PLPP4: variants seen among roughly 807,000 people sequenced by gnomAD.
PLPP4 encodes the protein phospholipid phosphatase 4.
In PLPP4, 20 loss-of-function variants were observed where a neutral mutation model predicts 32.2. The ratio of observed to expected loss-of-function variants is 0.62; its 90% CI spans 0.44 to 0.90. The LOEUF (loss-of-function observed/expected upper bound fraction) is 0.90, where lower values mean the gene tolerates loss of function less well. Ranked by LOEUF, PLPP4 falls within the 40% of genes least tolerant of loss-of-function variation. The pLI is 0.00. For missense variants in PLPP4, 257 were observed against 353.1 expected (o/e 0.73, Z 2.18); for synonymous variants, 127 against 133.0 (o/e 0.95, Z 0.31).
At chr10:120,549,347 G>A (rs961456095) in intron 5 of PLPP4, among the ~76,000 whole-genome samples, 8 of 150,530 alleles carry the variant, frequency 5.3e-5, no homozygotes, top group African/African-American at 1.7e-4. Flanking sequence ...AGATGAAGGC[G>A]AAATCTAATT....
chr10:120,551,450 T>A (rs1473427588), intron 5 of PLPP4, among the ~76,000 whole-genome samples: 4 of 152,202 alleles, frequency 2.6e-5, no homozygotes, highest in Non-Finnish European at 5.9e-5. Flanking sequence ...GTTTTATTCC[T>A]AATGATCCCA....
intron 2 of PLPP4, among the ~76,000 whole-genome samples, chr10:120,506,042 C>T (rs935561150): frequency 6.6e-6 from 1 of 152,200 alleles, no homozygotes; most frequent in Non-Finnish European, 1.5e-5. Flanking sequence ...CACAAATATT[C>T]TGGCTACAGA....
At chr10:120,556,330 A>G (rs1848164187) in intron 5 of PLPP4, among the ~76,000 whole-genome samples, 1 of 152,082 alleles carries the variant, frequency 6.6e-6, no homozygotes, top group Non-Finnish European at 1.5e-5. Flanking sequence ...GGTGGCTTAC[A>G]TTGTTCTTGA....
At chr10:120,456,988 G>C (rs1287191540), upstream of PLPP4, 2 of 156,602 alleles carry the variant, frequency 1.3e-5, no homozygotes, top group East Asian at 3.8e-4. This position sits in a 1 kb window ranked among gnomAD's most constrained non-coding sequence, Gnocchi z 4.1. Context: ...GGTGCCCGGC[G>C]CGGGCCCAGG....
chr10:120,581,251 GTC>G, intron 6 of PLPP4: 1 of 985,402 alleles, frequency 1.0e-6, no homozygotes, highest in Non-Finnish European at 1.2e-6. Flanking sequence ...AAGGGAACCT[GTC>G]TCTTCTCAGC....
intron 2 of PLPP4, among the ~76,000 whole-genome samples, chr10:120,509,485 T>C (rs1047622235): frequency 1.3e-5 from 2 of 152,206 alleles, no homozygotes; most frequent in African/African-American, 4.8e-5. Flanking sequence ...ATGTGGGCAC[T>C]GTGCAGTACA....
chr10:120,520,832 A>C, intron 4 of PLPP4, 139 bp from the exon 5 acceptor site: 9 of 1,012,072 alleles, frequency 8.9e-6, no homozygotes, highest in Non-Finnish European at 1.3e-5. Context: ...TGTCTAGAGT[A>C]TTCTGTGAGG....
chr10:120,518,583 G>A (rs1024089109), intron 3 of PLPP4, among the ~76,000 whole-genome samples: 5 of 152,196 alleles, frequency 3.3e-5, no homozygotes, highest in African/African-American at 9.7e-5. Flanking sequence ...GAAAATTTCA[G>A]TCAAGGAGGA....
chr10:120,457,404 G>A (rs988948649), intron 1 of PLPP4, 43 bp downstream of exon 1: 3 of 1,509,238 alleles, frequency 2.0e-6, no homozygotes, highest in Non-Finnish European at 2.7e-6. Flanking sequence ...TGACGCGGGG[G>A]AACAACCGAC....
intron 5 of PLPP4, among the ~76,000 whole-genome samples, chr10:120,531,472 T>C (rs1035433597): frequency 6.6e-6 from 1 of 152,186 alleles, no homozygotes; most frequent in African/African-American, 2.4e-5. Flanking sequence ...TCTAATTTAC[T>C]ACTTTCTTCT....
intron 5 of PLPP4, among the ~76,000 whole-genome samples, chr10:120,550,702 T>C (rs1484014667): frequency 6.6e-6 from 1 of 151,770 alleles, no homozygotes. Context: ...AATAAAAGTG[T>C]GGGAAAAAAG....
In PLPP4 at chr10:120,520,520, G is replaced by A. The variant is rs75924284; in HGVS notation, c.321-451G>A. The stretch of plus-strand genomic sequence containing the variant: ...GCATGCCAATATCCAACAATAGAGC[G>A]GTAGATCAAGACAGGAAGTAACTTC... On this transcript the variant is annotated intron_variant, in intron 4 of 6. Transcript: ENST00000398250. 5.7e-3 allele frequency among the ~76,000 whole-genome samples: 865 copies of A among 152,268 alleles called. 6 individuals are homozygous for A. The highest frequency in any genetic ancestry group is 0.023 in the South Asian group (113 of 4,820).
chr10:120,534,429 GT>G (rs750507343), intron 5 of PLPP4, among the ~76,000 whole-genome samples: 7 of 151,734 alleles, frequency 4.6e-5, no homozygotes, highest in Non-Finnish European at 8.8e-5. Context: ...GGATCTTTTT[GT>G]GTTTATCTAC....
chr10:120,467,364 A>C (rs1848377122), intron 1 of PLPP4, among the ~76,000 whole-genome samples: 1 of 64,266 alleles, frequency 1.6e-5, no homozygotes, highest in African/African-American at 3.3e-5. Context: ...TGCTGGGATT[A>C]CAGGCGTGAG....
intron 1 of PLPP4, among the ~76,000 whole-genome samples, chr10:120,466,215 A>G (rs1378783230): frequency 6.6e-6 from 1 of 152,120 alleles, no homozygotes; most frequent in Non-Finnish European, 1.5e-5. Flanking sequence ...GGCCTGGCAA[A>G]TGGGTCCCAT....
intron 5 of PLPP4, among the ~76,000 whole-genome samples, chr10:120,553,803 G>C (rs1180554744): frequency 2.0e-5 from 3 of 152,202 alleles, no homozygotes; most frequent in Non-Finnish European, 4.4e-5. Flanking sequence ...ATGAGGCTGA[G>C]TGCCATGTCC....
chr10:120,499,897 C>T (rs1845158743), intron 1 of PLPP4, among the ~76,000 whole-genome samples: 1 of 152,152 alleles, frequency 6.6e-6, no homozygotes, highest in African/African-American at 2.4e-5. Flanking sequence ...CAGGCCTGGG[C>T]ATGTCCTCTC....
intron 1 of PLPP4, among the ~76,000 whole-genome samples, chr10:120,461,947 T>A (rs1336550115): frequency 6.6e-6 from 1 of 152,218 alleles, no homozygotes; most frequent in Non-Finnish European, 1.5e-5. Context: ...GGGCACTGGA[T>A]GTCAGGTAGA....
In PLPP4 at chr10:120,589,573, ATGGT is replaced by A; in HGVS notation, c.*73_*76del. The A allele has an allele frequency of 2.4e-6, 3 of 1,232,852 alleles. No individual in the cohort carries two copies. Among genetic ancestry groups the A allele is most frequent in the Non-Finnish European group, 3.4e-6 (3 of 871,240 alleles). 76.4% of individuals were successfully genotyped at this position (1,232,852 alleles called of 1,614,324 possible). ...ACCCTGACATCATAACACAATAGAA[ATGGT>A]TTTCTGTAGTGTATTTTTCATCAGT... On this transcript the variant is annotated 3_prime_UTR_variant, in exon 7 of 7. Coordinates refer to ENST00000398250, the MANE Select transcript of PLPP4 (RefSeq NM_001030059.3).
Sources: gnomAD v4.1 joint callset for allele counts (sites outside exome capture counted in the v4.1 genomes callset) on GRCh38, gnomAD v4.1.1 for gene constraint, Gnocchi (gnomAD v3.1) non-coding constraint, MANE v1.5 for transcripts, NCBI Gene and HGNC (gene_info 2026-07-23, HGNC 2026-07-21) for gene names.